The following SLC44A3 variants were observed in gnomAD, a reference collection of about 807,000 sequenced individuals.
The protein encoded by SLC44A3 is solute carrier family 44 member 3.
A neutral mutation model predicts 75.4 loss-of-function variants in SLC44A3; 74 were observed. The ratio of observed to expected loss-of-function variants is 0.98; its 90% CI spans 0.81 to 1.19. The LOEUF (loss-of-function observed/expected upper bound fraction) is 1.19, where lower values mean the gene tolerates loss of function less well. Among genes scored for constraint, SLC44A3 ranks in the 50% most tolerant of loss-of-function variants. SLC44A3 has a pLI of 0.00. For missense variants in SLC44A3, 700 were observed against 778.6 expected (o/e 0.90, Z 1.20); for synonymous variants, 310 against 296.9 (o/e 1.04, Z -0.45).
chr1:94,872,807 G>C lies in SLC44A3; in HGVS notation c.1482+5390G>C, dbSNP rs140078865. ...CCATGAGATGCTTTGTGTGGGAAAT[G>C]GGGGGAGAGTGGAAAACAATATGAG... On this transcript the variant is annotated intron_variant, in intron 12 of 14. Coordinates refer to ENST00000271227, the MANE Select transcript of SLC44A3 (RefSeq NM_001114106.3). Among the ~76,000 whole-genome samples the C allele has an allele frequency of 8.0e-3, 1,218 of 152,332 alleles. 7 individuals carry two copies. Among genetic ancestry groups the C allele is most frequent in the South Asian group, 0.02 (99 of 4,830 alleles).
intron 5 of SLC44A3, among the ~76,000 whole-genome samples, chr1:94,835,099 T>C (rs1662605058): frequency 6.6e-6 from 1 of 152,190 alleles, no homozygotes; most frequent in South Asian, 2.1e-4. Flanking sequence ...TTTTACAAAA[T>C]ACCTGACTAT....
intron 10 of SLC44A3, among the ~76,000 whole-genome samples, chr1:94,864,189 C>A (rs551498656): frequency 9.6e-4 from 146 of 152,224 alleles, no homozygotes; most frequent in African/African-American, 3.3e-3. Context: ...ACTGAAGTGA[C>A]CTTTAAAGAG....
At chr1:94,863,355 C>G (rs955568648) in intron 10 of SLC44A3, among the ~76,000 whole-genome samples, 1 of 152,154 alleles carries the variant, frequency 6.6e-6, no homozygotes, top group Non-Finnish European at 1.5e-5. Flanking sequence ...TGCCTAACCC[C>G]AAACTCTAAT....
chr1:94,849,057 ACTGCCAGCCTGTGCCCCT>A (rs939024735), intron 9 of SLC44A3, among the ~76,000 whole-genome samples: 1 of 148,280 alleles, frequency 6.7e-6, no homozygotes, highest in African/African-American at 2.6e-5. Context: ...GTGCCCCTTA[ACTGCCAGCCTGTGCCCCT>A]GACTAGGTCT....
intron 8 of SLC44A3, among the ~76,000 whole-genome samples, chr1:94,842,823 C>A (rs1663841907): frequency 6.6e-6 from 1 of 152,208 alleles, no homozygotes; most frequent in Non-Finnish European, 1.5e-5. Context: ...TTTCCACAAG[C>A]CCATTGAATC....
intron 5 of SLC44A3, among the ~76,000 whole-genome samples, chr1:94,830,883 C>A (rs975338913): frequency 6.6e-6 from 1 of 152,154 alleles, no homozygotes; most frequent in Non-Finnish European, 1.5e-5. Flanking sequence ...ATTTATTGAG[C>A]TTTTGATACT....
At chr1:94,830,362 G>A (rs1571178703) in intron 5 of SLC44A3, among the ~76,000 whole-genome samples, 2 of 152,190 alleles carry the variant, frequency 1.3e-5, no homozygotes, top group East Asian at 3.9e-4. Context: ...ACAGGCGCAT[G>A]CCACCATACC....
chr1:94,891,571 C>T (rs1355874828), intron 13 of SLC44A3, among the ~76,000 whole-genome samples: 20 of 152,268 alleles, frequency 1.3e-4, no homozygotes, highest in Non-Finnish European at 2.9e-5. Context: ...AATGAAAATG[C>T]TACTAATCTC....
At chr1:94,892,968 C>T (rs1670386824) in intron 14 of SLC44A3, among the ~76,000 whole-genome samples, 1 of 152,206 alleles carries the variant, frequency 6.6e-6, no homozygotes, top group Non-Finnish European at 1.5e-5. Context: ...CTCCTCTGTG[C>T]CAGTATTGAC....
chr1:94,877,671 G>A (rs1247494755), intron 12 of SLC44A3, among the ~76,000 whole-genome samples: 1 of 152,112 alleles, frequency 6.6e-6, no homozygotes, highest in Non-Finnish European at 1.5e-5. Context: ...TCTTATCTAG[G>A]TGGGGCGAAA....
intron 6 of SLC44A3, among the ~76,000 whole-genome samples, chr1:94,839,276 C>T (rs185660089): frequency 9.9e-4 from 145 of 146,544 alleles, no homozygotes; most frequent in African/African-American, 3.4e-3. Flanking sequence ...TACATAAGCC[C>T]AGTATGAAGT....
At chr1:94,883,132 G>A (rs1255577032) in intron 12 of SLC44A3, among the ~76,000 whole-genome samples, 1 of 151,580 alleles carries the variant, frequency 6.6e-6, no homozygotes, top group Non-Finnish European at 1.5e-5. Flanking sequence ...CTTCCAGGAT[G>A]GTGTGAATGC....
chr1:94,892,262 A>G lies in SLC44A3; in HGVS notation c.1621-19A>G, dbSNP rs1221379041. The G allele has an allele frequency of 6.3e-7, 1 of 1,599,560 alleles. No individual in the cohort carries two copies. Among genetic ancestry groups the G allele is most frequent in the Non-Finnish European group, 8.5e-7 (1 of 1,173,144 alleles). On this transcript the variant is annotated intron_variant, in intron 13 of 14. Transcript: ENST00000271227. ...CAACTGATTCATAAAGATTTTCAAC[A>G]AACTCTTCTTTTGCACAGGTGTTAG...
chr1:94,892,303 T>C lies in SLC44A3; in HGVS notation c.1643T>C (p.Val548Ala). The change falls in exon 14 of 15, where the codon GTT becomes GCT. Residue 548 changes from valine (V) to alanine (A), a missense_variant. Coordinates refer to ENST00000271227, the MANE Select transcript of SLC44A3 (RefSeq NM_001114106.3). ...LGKVLVVCFT[V>A]FGGLMAFNYN... ...CAGGTGTTAGTGGTGTGTTTCACTGTTTTTGGAGGACTCATGGCTTTTAAC... is the reference window on the plus strand; with the variant it reads ...CAGGTGTTAGTGGTGTGTTTCACTGCTTTTGGAGGACTCATGGCTTTTAAC... 6.2e-7 allele frequency: 1 copy of C among 1,614,140 alleles called. No individual in the cohort carries two copies. Among genetic ancestry groups the C allele is most frequent in the Non-Finnish European group, 8.5e-7 (1 of 1,179,984 alleles).
intron 2 of SLC44A3, among the ~76,000 whole-genome samples, chr1:94,823,856 T>A (rs1156961347): frequency 6.6e-6 from 1 of 152,184 alleles, no homozygotes; most frequent in Non-Finnish European, 1.5e-5. Context: ...AATGGCACAG[T>A]TGTTTGAACT....
chr1:94,836,913 C>CAAAAAAAAAA (rs56149444), intron 5 of SLC44A3: 1 of 124,298 alleles, frequency 8.0e-6, no homozygotes, highest in African/African-American at 3.1e-5. Context: ...CCTGTCTCAA[C>CAAAAAAAAAA]AAAAAAAAAA....
chr1:94,837,725 T>A lies in SLC44A3; in HGVS notation c.524T>A (p.Leu175Ter). The stretch of plus-strand genomic sequence containing the variant: ...TCTATTTTTAGCAAGTCATTTCCCT[T>A]ATTTAACCGATGTGTCCCTCAAACA... Reference protein sequence around the residue: ...LPVPPSKSFPLFNRCVPQTPE... With the variant: ...LPVPPSKSFP Residue 175 changes from leucine (L) to a stop codon, truncating the protein, a stop_gained, in exon 6 of 15, where the codon TTA (leucine) becomes TAA (stop). Transcript: ENST00000271227. LOFTEE classifies it high-confidence loss of function. The A allele has an allele frequency of 6.3e-7, 1 of 1,579,478 alleles. No homozygotes were observed. The highest frequency in any genetic ancestry group is 8.6e-7 in the Non-Finnish European group (1 of 1,166,452).
chr1:94,881,532 G>A lies in SLC44A3; in HGVS notation c.1483-9598G>A, dbSNP rs186277136. On this transcript the variant is annotated intron_variant, in intron 12 of 14. Transcript: ENST00000271227. ...ATCCTGGCTAACATGGTGAAACCCC[G>A]TCTCTACTAAAAATACAAAAAATTA... Among the ~76,000 whole-genome samples, 835 of 151,234 alleles carry A rather than the reference G, an allele frequency of 5.5e-3. 13 individuals are homozygous for A. The highest frequency in any genetic ancestry group is 0.019 in the African/African-American group (795 of 41,182).
At chr1:94,862,152 C>A (rs1179209185) in intron 10 of SLC44A3, among the ~76,000 whole-genome samples, 1 of 152,200 alleles carries the variant, frequency 6.6e-6, no homozygotes, top group East Asian at 1.9e-4. Context: ...ACCTTCTCAG[C>A]CCTCCAAACC....
Sources: gnomAD v4.1 joint callset for allele counts (sites outside exome capture counted in the v4.1 genomes callset) on GRCh38, gnomAD v4.1.1 for gene constraint, MANE v1.5 for transcripts, NCBI Gene and HGNC (gene_info 2026-07-23, HGNC 2026-07-21) for gene names.